NOVA1: variants seen among roughly 807,000 people sequenced by gnomAD.
NOVA1 encodes the protein RNA-binding protein Nova-1.
In NOVA1, 7 loss-of-function variants were observed where a neutral mutation model predicts 38.0. The ratio of observed to expected loss-of-function variants is 0.18; its 90% CI spans 0.10 to 0.35. NOVA1 has a LOEUF of 0.35. Among genes scored for constraint, NOVA1 ranks in the 10% least tolerant of loss-of-function variants. NOVA1 has a pLI of 1.00. For synonymous variants in NOVA1, 270 were observed against 232.5 expected, an observed-to-expected ratio of 1.16 and a Z score of -1.47; for missense variants, 460 against 616.0, an observed-to-expected ratio of 0.75 and a Z score of 2.68.
At chr14:26,507,469 T>C (rs74651454) in intron 2 of NOVA1, among the ~76,000 whole-genome samples, 6,286 of 152,216 alleles carry the variant, frequency 0.041, 190 homozygotes, top group South Asian at 0.097. Context: ...TAAAGAGTGT[T>C]TTTTATGAAG....
intron 2 of NOVA1, among the ~76,000 whole-genome samples, chr14:26,532,419 C>G (rs1889783496): frequency 6.6e-6 from 1 of 152,092 alleles, no homozygotes; most frequent in African/African-American, 2.4e-5. Flanking sequence ...GCAAAAGAAA[C>G]TAGACACAAG....
chr14:26,485,840 T>C (rs1337727620), intron 2 of NOVA1, among the ~76,000 whole-genome samples: 1 of 152,092 alleles, frequency 6.6e-6, no homozygotes, highest in Non-Finnish European at 1.5e-5. Flanking sequence ...AGTCATTTGG[T>C]TGGATGAGTG....
intron 2 of NOVA1, among the ~76,000 whole-genome samples, chr14:26,517,000 G>C (rs1247174953): frequency 6.7e-6 from 1 of 150,006 alleles, no homozygotes; most frequent in Admixed American, 6.7e-5. Context: ...CCACCTTCCA[G>C]GTTCAAGCGA....
intron 2 of NOVA1, among the ~76,000 whole-genome samples, chr14:26,515,822 C>T (rs904589355): frequency 1.3e-5 from 2 of 151,972 alleles, no homozygotes; most frequent in African/African-American, 2.4e-5. Flanking sequence ...TCCATTCTTA[C>T]ATTCATACAT....
chr14:26,596,828 GGA>G, intron 1 of NOVA1: 3 of 1,123,340 alleles, frequency 2.7e-6, no homozygotes, highest in Non-Finnish European at 3.3e-6. Flanking sequence ...GCAAGAGGAT[GGA>G]GAGAGGAAAA....
intron 4 of NOVA1, among the ~76,000 whole-genome samples, chr14:26,461,479 G>C (rs943506672): frequency 2.0e-5 from 3 of 152,040 alleles, no homozygotes; most frequent in African/African-American, 7.2e-5. Context: ...TGCCCTAAGG[G>C]AGATCCGATT....
intron 2 of NOVA1, among the ~76,000 whole-genome samples, chr14:26,558,385 T>C (rs1449444321): frequency 6.6e-6 from 1 of 152,070 alleles, no homozygotes; most frequent in Non-Finnish European, 1.5e-5. Flanking sequence ...TTGTTAATAG[T>C]AAGAAAAACT....
chr14:26,559,140 C>T (rs889309445), intron 2 of NOVA1, among the ~76,000 whole-genome samples: 2 of 152,040 alleles, frequency 1.3e-5, no homozygotes, highest in African/African-American at 4.8e-5. Context: ...ACTCCTGGTA[C>T]GATCACTACT....
chr14:26,585,133 TATG>T (rs1281626712), intron 2 of NOVA1, among the ~76,000 whole-genome samples: 1 of 151,480 alleles, frequency 6.6e-6, no homozygotes, highest in East Asian at 1.9e-4. Flanking sequence ...ACTGGTTTAC[TATG>T]ATAAAAATCA....
intron 2 of NOVA1, among the ~76,000 whole-genome samples, chr14:26,563,860 G>A (rs575570214): frequency 6.6e-6 from 1 of 152,160 alleles, no homozygotes; most frequent in Non-Finnish European, 1.5e-5. Context: ...GATTTATTCT[G>A]TTTATATACA....
At chr14:26,503,890 A>G (rs1455719106) in intron 2 of NOVA1, among the ~76,000 whole-genome samples, 1 of 152,122 alleles carries the variant, frequency 6.6e-6, no homozygotes, top group African/African-American at 2.4e-5. Flanking sequence ...CACAAACCGA[A>G]AAATGAAGTG....
At chr14:26,491,912 G>A (rs1228745142) in intron 2 of NOVA1, among the ~76,000 whole-genome samples, 2 of 151,562 alleles carry the variant, frequency 1.3e-5, no homozygotes, top group Non-Finnish European at 2.9e-5. Context: ...ATCTATTCTA[G>A]GAACCTTGCA....
At chr14:26,515,539 C>A (rs953671131) in intron 2 of NOVA1, among the ~76,000 whole-genome samples, 1 of 151,884 alleles carries the variant, frequency 6.6e-6, no homozygotes, top group South Asian at 2.1e-4. Context: ...TAATAAAAGA[C>A]CAGACTCAAA....
chr14:26,528,708 G>A (rs934339740), intron 2 of NOVA1, among the ~76,000 whole-genome samples: 2 of 152,152 alleles, frequency 1.3e-5, no homozygotes, highest in African/African-American at 4.8e-5. Flanking sequence ...AAGGAAAGCT[G>A]CTGATTGCAG....
chr14:26,445,468 A>C lies in NOVA1; in HGVS notation c.*2491T>G, dbSNP rs1490485369. 6.6e-6 allele frequency: 1 copy of C among 152,192 alleles called. No homozygotes were observed. Among genetic ancestry groups the C allele is most frequent in the Admixed American group, 6.5e-5 (1 of 15,278 alleles). The allele number at this position is 152,192 out of a possible 1,614,324, so 9.4% of individuals were successfully genotyped here. ...TAACATATAACCATGCTAACTAGGAAAAGTTTAAAATTCCCATTTACAATT... is the reference window on the plus strand; with the variant it reads ...TAACATATAACCATGCTAACTAGGACAAGTTTAAAATTCCCATTTACAATT... On this transcript the variant is annotated 3_prime_UTR_variant, in exon 5 of 5. Coordinates refer to ENST00000539517, the MANE Select transcript of NOVA1 (RefSeq NM_002515.3).
intron 2 of NOVA1, among the ~76,000 whole-genome samples, chr14:26,505,625 C>T (rs1887591165): frequency 6.6e-6 from 1 of 152,078 alleles, no homozygotes; most frequent in African/African-American, 2.4e-5. Flanking sequence ...AACACAGTCC[C>T]ATTTTATTAA....
At chr14:26,538,683 C>T (rs1048951827) in intron 2 of NOVA1, among the ~76,000 whole-genome samples, 1 of 151,880 alleles carries the variant, frequency 6.6e-6, no homozygotes, top group Non-Finnish European at 1.5e-5. Context: ...CTCTTGCCCC[C>T]CACTCCTTTC....
intron 2 of NOVA1, among the ~76,000 whole-genome samples, chr14:26,560,773 T>A (rs368531741): frequency 6.6e-6 from 1 of 152,204 alleles, no homozygotes; most frequent in African/African-American, 2.4e-5. Flanking sequence ...CTTTGTGCCA[T>A]CTTTTCCTCA....
chr14:26,519,137 T>C (rs1464022129), intron 2 of NOVA1: 4 of 152,152 alleles, frequency 2.6e-5, no homozygotes, highest in Non-Finnish European at 5.9e-5. Flanking sequence ...ATTTTTGAAA[T>C]GTATTTCAAA....
Sources: allele counts gnomAD v4.1 joint callset (sites outside exome capture counted in the v4.1 genomes callset), GRCh38; gene constraint gnomAD v4.1.1; transcripts MANE v1.5; gene names NCBI Gene and HGNC (gene_info 2026-07-23, HGNC 2026-07-21).